Variants in PCDHA13 observed in about 807,000 individuals in gnomAD.
The protein encoded by PCDHA13 is protocadherin alpha-13.
PCDHA13 carries 54 observed loss-of-function variants against 64.8 expected under a neutral mutation model. The observed-to-expected ratio is 0.83, with a 90% confidence interval of 0.67 to 1.04. PCDHA13 has a LOEUF of 1.04. PCDHA13 is among the 50% of genes least tolerant of loss of function. PCDHA13 has a pLI of 0.00. For synonymous variants in PCDHA13, 587 were observed against 564.4 expected (o/e 1.04, Z -0.57); for missense variants, 1,248 against 1,254.3 (o/e 0.99, Z 0.08).
intron 1 of PCDHA13, among the ~76,000 whole-genome samples, chr5:140,950,241 G>T (rs191139851): frequency 2.0e-5 from 3 of 152,014 alleles, no homozygotes; most frequent in African/African-American, 4.8e-5. Flanking sequence ...CCATTAATTT[G>T]TTCCTAAAGA....
intron 1 of PCDHA13, among the ~76,000 whole-genome samples, chr5:140,950,285 C>T (rs1314594266): frequency 1.3e-5 from 2 of 151,926 alleles, no homozygotes; most frequent in African/African-American, 4.8e-5. Context: ...TTTGCTTCAA[C>T]CTGAAAAACT....
chr5:140,894,821 C>A (rs1303468240), intron 1 of PCDHA13, among the ~76,000 whole-genome samples: 1 of 151,806 alleles, frequency 6.6e-6, no homozygotes, highest in African/African-American at 2.4e-5. Flanking sequence ...TCAGATTTGC[C>A]CATAATCCTT....
intron 1 of PCDHA13, among the ~76,000 whole-genome samples, chr5:140,936,139 C>T (rs1166879357): frequency 6.6e-6 from 1 of 152,078 alleles, no homozygotes; most frequent in Non-Finnish European, 1.5e-5. Flanking sequence ...GTGATCTGCC[C>T]GCCTTGGCCT....
chr5:140,987,747 T>G (rs1336636332), intron 3 of PCDHA13, among the ~76,000 whole-genome samples: 1 of 152,178 alleles, frequency 6.6e-6, no homozygotes. Context: ...TAGACCCAGG[T>G]TGTTCTGAGT....
intron 3 of PCDHA13, among the ~76,000 whole-genome samples, chr5:140,987,224 A>C (rs28567024): frequency 6.6e-6 from 1 of 151,930 alleles, no homozygotes; most frequent in South Asian, 2.1e-4. Context: ...AAAAAAAAAA[A>C]AAATAATAAA....
chr5:140,905,891 G>A (rs1486335678), intron 1 of PCDHA13, among the ~76,000 whole-genome samples: 2 of 152,162 alleles, frequency 1.3e-5, no homozygotes, highest in African/African-American at 4.8e-5. Context: ...TAGGCCATCT[G>A]CAAGCTGAGG....
At chr5:140,937,890 C>G (rs1209951664) in intron 1 of PCDHA13, among the ~76,000 whole-genome samples, 1 of 145,964 alleles carries the variant, frequency 6.9e-6, no homozygotes, top group Non-Finnish European at 1.5e-5. Flanking sequence ...CCAGCCTGGG[C>G]GACAGAGTGA....
intron 1 of PCDHA13, among the ~76,000 whole-genome samples, chr5:140,975,438 A>T (rs1436743661): frequency 5.9e-5 from 9 of 152,234 alleles, no homozygotes; most frequent in African/African-American, 1.7e-4. Flanking sequence ...ACACCAGGAT[A>T]TAGGGATCTT....
At chr5:140,926,946 A>G in intron 1 of PCDHA13, 1 of 1,590,228 alleles carries the variant, frequency 6.3e-7, no homozygotes. Context: ...GCGGCGCTGC[A>G]GCGGGACAGC....
rs547166699 is a variant in PCDHA13 at position 140,982,068 on chromosome 5, TTAGAG to T, written c.2454-401_2454-397del. On this transcript the variant is annotated intron_variant, in intron 2 of 3. Transcript: ENST00000289272. ...AAAATATTTTAGTGTGTTTTCTTCT[TTAGAG>T]TAGAGAACCTAGGAACAAGAGAACC... 3.5e-3 allele frequency among the ~76,000 whole-genome samples: 532 copies of T among 152,340 alleles called. 2 individuals carry two copies. Among genetic ancestry groups the T allele is most frequent in the Non-Finnish European group, 5.4e-3 (369 of 68,028 alleles).
chr5:140,895,614 A>T (rs185386474), intron 1 of PCDHA13, among the ~76,000 whole-genome samples: 101 of 152,212 alleles, frequency 6.6e-4, no homozygotes, highest in African/African-American at 2.4e-3. Context: ...TTTCTCATTG[A>T]GGGTGTTGTC....
rs530482397 is a variant in PCDHA13, at chr5:140,923,460, T to C, written c.2394+38798T>C. ...GGAGGATCACCTGAGCCCAGAGAGG[T>C]AGGGGCTGCAGTGAGCCATCTTCAC... On this transcript the variant is annotated intron_variant, in intron 1 of 3. Coordinates refer to ENST00000289272, the MANE Select transcript of PCDHA13 (RefSeq NM_018904.3). Among the ~76,000 whole-genome samples, 704 of 151,994 alleles carry C rather than the reference T, an allele frequency of 4.6e-3. 3 individuals carry two copies. Among genetic ancestry groups the C allele is most frequent in the African/African-American group, 0.016 (681 of 41,446 alleles).
chr5:140,898,887 C>T (rs1554188288), intron 1 of PCDHA13, among the ~76,000 whole-genome samples: 1 of 152,028 alleles, frequency 6.6e-6, no homozygotes, highest in Non-Finnish European at 1.5e-5. Context: ...TTGTAGTTCT[C>T]CTTGAAGAGG....
chr5:140,981,502 A>G (rs2096935392), intron 2 of PCDHA13, among the ~76,000 whole-genome samples: 2 of 152,218 alleles, frequency 1.3e-5, no homozygotes, highest in Non-Finnish European at 2.9e-5. Flanking sequence ...TGAACCTGGG[A>G]GGCAGAGGTT....
chr5:140,902,044 A>AT (rs1222362795), intron 1 of PCDHA13, among the ~76,000 whole-genome samples: 6 of 152,016 alleles, frequency 3.9e-5, no homozygotes, highest in Non-Finnish European at 5.9e-5. Flanking sequence ...TTGTATGTTG[A>AT]TTTTGTATCC....
intron 3 of PCDHA13, among the ~76,000 whole-genome samples, chr5:140,998,062 C>T (rs2097795439): frequency 6.6e-6 from 1 of 152,176 alleles, no homozygotes; most frequent in African/African-American, 2.4e-5. Flanking sequence ...TCATCATCAA[C>T]AGACTTAGCC....
intron 1 of PCDHA13, among the ~76,000 whole-genome samples, chr5:140,891,620 C>T (rs1194351903): frequency 6.6e-6 from 1 of 152,122 alleles, no homozygotes; most frequent in African/African-American, 2.4e-5. Flanking sequence ...TTTATTTTAA[C>T]ACCTTTTGCT....
chr5:140,993,535 GAGAT>G (rs2097571300), intron 3 of PCDHA13, among the ~76,000 whole-genome samples: 1 of 151,900 alleles, frequency 6.6e-6, no homozygotes, highest in African/African-American at 2.4e-5. Context: ...GAGAGAGAGA[GAGAT>G]AGAGAAGTGA....
Position 140,884,143 on chromosome 5 carries a change from G to T in PCDHA13, c.1875G>T (p.Gly625=). 1 of 1,613,438 alleles carries T rather than the reference G, an allele frequency of 6.2e-7. No individual in the cohort carries two copies. The change falls in exon 1 of 4, where the codon GGG becomes GGT. Residue 625 remains glycine, a synonymous_variant. Coordinates refer to ENST00000289272, the MANE Select transcript of PCDHA13 (RefSeq NM_018904.3). ...AVGARIPFRV[G]LYTGEISTTR... is the part of the protein sequence containing the mutation. The stretch of plus-strand genomic sequence containing the variant: ...GCGCGCGCATCCCGTTCCGCGTGGG[G>T]CTGTACACTGGCGAGATCAGCACGA...
Sources: allele counts gnomAD v4.1 joint callset (sites outside exome capture counted in the v4.1 genomes callset), GRCh38; gene constraint gnomAD v4.1.1; transcripts MANE v1.5; gene names NCBI Gene and HGNC (gene_info 2026-07-23, HGNC 2026-07-21).